The following MAK variants were observed in gnomAD, a reference collection of about 807,000 sequenced individuals.
The protein encoded by MAK is serine/threonine-protein kinase MAK.
In MAK, 65 loss-of-function variants were observed where a neutral mutation model predicts 82.6. That is an observed-to-expected ratio of 0.79 (90% confidence interval 0.64 to 0.97). The LOEUF is 0.97. Ranked by LOEUF, MAK falls within the 50% of genes least tolerant of loss-of-function variation. The probability of loss-of-function intolerance (pLI) is 0.00; values close to 1 mark genes in which losing one functional copy is unlikely to be tolerated. For synonymous variants in MAK, 250 were observed against 274.2 expected, an observed-to-expected ratio of 0.91 and a Z score of 0.87; for missense variants, 703 against 780.2, an observed-to-expected ratio of 0.90 and a Z score of 1.18.
chr6:10,803,630 T>C (rs1039443173), intron 7 of MAK, 90 bp downstream of exon 7: 3 of 1,115,776 alleles, frequency 2.7e-6, no homozygotes, highest in African/African-American at 3.1e-5. Flanking sequence ...TAGGCAAAAG[T>C]TGTAAATAAT....
chr6:10,783,845 A>C (rs6909526), intron 11 of MAK, among the ~76,000 whole-genome samples: 7,247 of 152,076 alleles, frequency 0.048, 211 homozygotes, highest in East Asian at 0.11. Flanking sequence ...ACGGTGAAAC[A>C]CCATCTCTAC....
chr6:10,833,137 G>A (rs558025586), intron 1 of MAK, among the ~76,000 whole-genome samples: 4 of 152,292 alleles, frequency 2.6e-5, no homozygotes, highest in East Asian at 1.9e-4. Context: ...ACAAGGGCAC[G>A]TTATAGTTGT....
At chr6:10,788,646 G>T (rs1330942369) in intron 10 of MAK, among the ~76,000 whole-genome samples, 1 of 152,048 alleles carries the variant, frequency 6.6e-6, no homozygotes, top group African/African-American at 2.4e-5. Context: ...TGAGACAGGA[G>T]AATTGCTTGA....
Position 10,819,882 on chromosome 6 carries a change from G to A in MAK, c.102-942C>T, listed in dbSNP as rs563278355. Among the ~76,000 whole-genome samples the A allele has an allele frequency of 5.9e-5, 9 of 152,234 alleles. No individual in the cohort carries two copies. In the South Asian group the frequency reaches 1.9e-3, roughly 32 times the overall value. On this transcript the variant is annotated intron_variant, in intron 2 of 14. Coordinates refer to ENST00000354489, the MANE Select transcript of MAK (RefSeq NM_001242957.3). ...AAGCCCAGCACTTTGGGAGGCGGAG[G>A]CGGGTGGATCATGAGGTCAGGAGAT...
rs9356997 is a variant in MAK at position 10,829,598 on chromosome 6, A to G, written c.101+950T>C. 3.3e-5 allele frequency among the ~76,000 whole-genome samples: 5 copies of G among 152,292 alleles called. No individual in the cohort carries two copies. In the East Asian group the frequency reaches 9.6e-4, roughly 29 times the overall value. On this transcript the variant is annotated intron_variant, in intron 2 of 14. Coordinates refer to ENST00000354489, the MANE Select transcript of MAK (RefSeq NM_001242957.3). ...CACAAACAAAAACGAAAACCAACAA[A>G]TAAATTTGGAAGAACATTCCAAAGA...
At position 10,817,887 on chromosome 6, in the gene MAK, A is replaced by T; in HGVS notation, c.241T>A (p.Tyr81Asn). The change falls in exon 4 of 15, where the codon TAT (tyrosine) becomes AAT (asparagine). Residue 81 changes from tyrosine to asparagine, a missense_variant. Physicochemically the swap from Tyr to Asn is moderately radical, Grantham distance 143 (BLOSUM62 -2). Transcript: ENST00000354489. Reference protein sequence around the residue: ...ENDHLYFIFEYMKENLYQLMK... With the variant: ...ENDHLYFIFENMKENLYQLMK... ...AATTGATAGAGGTTTTCTTTCATATATTCAAATATAAAATAAAGATGGTCA... is the reference window on the plus strand; with the variant it reads ...AATTGATAGAGGTTTTCTTTCATATTTTCAAATATAAAATAAAGATGGTCA... 6.9e-7 allele frequency: 1 copy of T among 1,442,032 alleles called. No homozygotes were observed. Among genetic ancestry groups the T allele is most frequent in the Non-Finnish European group, 9.6e-7 (1 of 1,039,762 alleles). 89.3% of individuals were successfully genotyped at this position (1,442,032 alleles called of 1,614,324 possible).
chr6:10,815,916 A>G (rs7452380), intron 4 of MAK, among the ~76,000 whole-genome samples: 1,205 of 19,700 alleles, frequency 0.061, 52 homozygotes, highest in African/African-American at 0.092. Context: ...TATACAGTAT[A>G]TATATATATA....
intron 10 of MAK, 177 bp from the exon 11 acceptor site, chr6:10,784,749 T>C (rs898233638): frequency 1.2e-5 from 8 of 686,286 alleles, no homozygotes; most frequent in South Asian, 3.0e-5. Context: ...CGCGTAGATA[T>C]TGGGTCGTGC....
intron 1 of MAK, among the ~76,000 whole-genome samples, chr6:10,833,194 A>G (rs770139518): frequency 1.3e-5 from 2 of 152,206 alleles, no homozygotes; most frequent in African/African-American, 2.4e-5. Flanking sequence ...GAAAAGAAAC[A>G]TAAACATGAG....
intron 5 of MAK, among the ~76,000 whole-genome samples, chr6:10,811,915 G>A (rs141295279): frequency 1.1e-3 from 171 of 152,192 alleles, no homozygotes; most frequent in African/African-American, 4.0e-3. Context: ...AACTACAGGA[G>A]GAGGATGGGT....
intron 11 of MAK, among the ~76,000 whole-genome samples, chr6:10,781,769 A>G (rs1051806539): frequency 3.3e-5 from 5 of 152,280 alleles, no homozygotes; most frequent in African/African-American, 9.6e-5. Flanking sequence ...CTTGGCATAT[A>G]CTACCAATAA....
intron 14 of MAK, among the ~76,000 whole-genome samples, chr6:10,769,487 G>C (rs141435813): frequency 1.3e-5 from 2 of 152,304 alleles, no homozygotes; most frequent in African/African-American, 4.8e-5. Flanking sequence ...AGGGTGGAGG[G>C]ATAAACCCTT....
Position 10,818,867 on chromosome 6 carries a change from T to G in MAK, c.156+19A>C. 1.3e-6 allele frequency: 2 copies of G among 1,481,966 alleles called. No individual in the cohort carries two copies. The highest frequency in any genetic ancestry group is 3.4e-5 in the Admixed American group (2 of 59,252). 91.8% of individuals were successfully genotyped at this position (1,481,966 alleles called of 1,614,324 possible). ...AGTGTTAAGGCCTTCTCAGGTTCTT[T>G]TCATCTTTAGGATTTTACCTTAACT... On this transcript the variant is annotated intron_variant, in intron 3 of 14. Coordinates refer to ENST00000354489, the MANE Select transcript of MAK (RefSeq NM_001242957.3).
At chr6:10,808,458 T>A (rs1776666271) in intron 6 of MAK, among the ~76,000 whole-genome samples, 1 of 152,204 alleles carries the variant, frequency 6.6e-6, no homozygotes, top group African/African-American at 2.4e-5. Context: ...TATTTTTAAC[T>A]TGTTTATCTG....
chr6:10,776,677 C>T lies in MAK; in HGVS notation c.1466-1218G>A, dbSNP rs531184562. The stretch of plus-strand genomic sequence containing the variant: ...CCTTATTTTGAAACCAGAAATACTG[C>T]ACCTCAAAAGTTACCCATTATCAGT... On this transcript the variant is annotated intron_variant, in intron 11 of 14. Coordinates refer to ENST00000354489, the MANE Select transcript of MAK (RefSeq NM_001242957.3). The surrounding 1 kb of genome is among the most constrained non-coding windows in gnomAD (Gnocchi z 4.3). Among the ~76,000 whole-genome samples the T allele has an allele frequency of 1.3e-5, 2 of 152,154 alleles. No homozygotes were observed. Among genetic ancestry groups the T allele is most frequent in the Admixed American group, 6.6e-5 (1 of 15,264 alleles).
chr6:10,803,881 G>C lies in MAK; in HGVS notation c.502C>G (p.Pro168Ala), dbSNP rs1180967714. ...ACTGAAGATCTCAGTAAAACTTCAG[G>C]GGCACGATACCTATGAAAATAGAGA... ...DYVSTRWYRA[P>A]EVLLRSSVYS... The change falls in exon 7 of 15, where the codon CCT becomes GCT. Residue 168 changes from proline (P) to alanine (A), a missense_variant. By Grantham distance (27) the Pro-to-Ala change is conservative. Transcript: ENST00000354489. 6.2e-7 allele frequency: 1 copy of C among 1,613,914 alleles called. No homozygotes were observed. Among genetic ancestry groups the C allele is most frequent in the East Asian group, 2.2e-5 (1 of 44,868 alleles).
At chr6:10,769,345 CCATT>C (rs2127509803) in intron 14 of MAK, among the ~76,000 whole-genome samples, 1 of 152,302 alleles carries the variant, frequency 6.6e-6, no homozygotes, top group South Asian at 2.1e-4. Flanking sequence ...GATTCGAAGA[CCATT>C]CATGGTCAAA....
intron 10 of MAK, among the ~76,000 whole-genome samples, chr6:10,785,261 C>G (rs147145198): frequency 2.6e-4 from 39 of 152,302 alleles, no homozygotes; most frequent in African/African-American, 7.0e-4. Context: ...CGAGGCCTGT[C>G]CCTGAGGCCT....
intron 2 of MAK, among the ~76,000 whole-genome samples, chr6:10,822,690 T>C (rs987513336): frequency 1.3e-5 from 2 of 152,258 alleles, no homozygotes; most frequent in Non-Finnish European, 2.9e-5. Context: ...TCTTTTGTCA[T>C]TTATTAATTC....
Sources: gnomAD v4.1 joint callset for allele counts (sites outside exome capture counted in the v4.1 genomes callset) on GRCh38, gnomAD v4.1.1 for gene constraint, Gnocchi (gnomAD v3.1) non-coding constraint, MANE v1.5 for transcripts, NCBI Gene and HGNC (gene_info 2026-07-23, HGNC 2026-07-21) for gene names.